Variants in ANO1 observed in about 807,000 individuals in gnomAD.
ANO1 encodes anoctamin 1, also known as anoctamin-1.
Under a neutral mutation model 124.0 loss-of-function variants are expected in ANO1, and 59 were observed. The ratio of observed to expected loss-of-function variants is 0.48; its 90% confidence interval spans 0.39 to 0.59. The LOEUF (loss-of-function observed/expected upper bound fraction) is 0.59, where lower values mean the gene tolerates loss of function less well. ANO1 is among the 20% of genes least tolerant of loss of function. The pLI is 0.00. For synonymous variants in ANO1, 529 were observed against 532.0 expected (o/e 0.99, Z 0.08); for missense variants, 1,059 against 1,328.0 (o/e 0.80, Z 3.15).
the ANO1 span, among the ~76,000 whole-genome samples, chr11:69,972,777 G>A: frequency 1.1e-4 from 16 of 152,246 alleles, no homozygotes; most frequent in African/African-American, 7.2e-5. Context: ...CTGCGTGGTC[G>A]AGATGTTCTT....
intron 7 of ANO1, among the ~76,000 whole-genome samples, chr11:70,114,602 C>T (rs1016559710): frequency 5.9e-5 from 9 of 152,168 alleles, no homozygotes; most frequent in Non-Finnish European, 1.3e-4. Context: ...ATTCATTCCT[C>T]AAGAATATCT....
chr11:70,152,205 G>A (rs994621161), intron 12 of ANO1, among the ~76,000 whole-genome samples: 4 of 151,868 alleles, frequency 2.6e-5, no homozygotes, highest in African/African-American at 4.8e-5. Flanking sequence ...GCGTGGTGGC[G>A]GGCGCCTGTA....
chr11:70,186,566 G>C (rs538860283), intron 25 of ANO1, among the ~76,000 whole-genome samples: 1 of 152,036 alleles, frequency 6.6e-6, no homozygotes, highest in South Asian at 2.1e-4. Context: ...TCTAGGGAGG[G>C]GTCTGGGCCA....
intron 1 of ANO1, among the ~76,000 whole-genome samples, chr11:70,032,265 T>C (rs113204897): frequency 1.6e-4 from 25 of 152,242 alleles, no homozygotes; most frequent in Non-Finnish European, 3.7e-4. Context: ...AGCAGTCTCA[T>C]TGTGGACGGA....
chr11:70,088,486 C>T (rs189070151), intron 2 of ANO1, among the ~76,000 whole-genome samples: 47 of 134,154 alleles, frequency 3.5e-4, no homozygotes, highest in African/African-American at 1.2e-3. Context: ...GCCAGCCTGG[C>T]GACAGAGTGA....
chr11:70,081,206 CAGAGGCCAGG>C (rs1165894632), intron 1 of ANO1, among the ~76,000 whole-genome samples: 1 of 152,176 alleles, frequency 6.6e-6, no homozygotes, highest in African/African-American at 2.4e-5. Flanking sequence ...ACTTGAAAGC[CAGAGGCCAGG>C]TTGAATGCAA....
chr11:70,130,174 C>G (rs1451204136), intron 10 of ANO1, among the ~76,000 whole-genome samples: 2 of 152,190 alleles, frequency 1.3e-5, no homozygotes, highest in East Asian at 3.8e-4. Flanking sequence ...GTACTTAGAG[C>G]CCAGAGCCTT....
the ANO1 span, among the ~76,000 whole-genome samples, chr11:69,970,823 C>T: frequency 6.6e-6 from 1 of 152,218 alleles, no homozygotes; most frequent in Non-Finnish European, 1.5e-5. Flanking sequence ...TGTGTTCTCT[C>T]AGGCCGCCCT....
intron 10 of ANO1, 49 bp downstream of exon 10, chr11:70,126,244 C>T: frequency 1.3e-6 from 2 of 1,577,184 alleles, no homozygotes; most frequent in South Asian, 1.2e-5. Flanking sequence ...GAGGAGCCCT[C>T]TCCTGCCATC....
At chr11:70,116,120 TC>T (rs1018179190) in intron 7 of ANO1, among the ~76,000 whole-genome samples, 28 of 152,254 alleles carry the variant, frequency 1.8e-4, no homozygotes, top group Admixed American at 7.8e-4. Context: ...ATACGACTCT[TC>T]CTGCCTCCAA....
chr11:69,992,301 A>G (rs1591020388), intron 1 of ANO1, among the ~76,000 whole-genome samples: 1 of 152,258 alleles, frequency 6.6e-6, no homozygotes, highest in Admixed American at 6.5e-5. Flanking sequence ...GAATGGATGG[A>G]TGGATGGATG....
At chr11:70,103,893 C>T (rs1328576679) in intron 3 of ANO1, 106 bp from the exon 4 acceptor site, 3 of 1,283,776 alleles carry the variant, frequency 2.3e-6, no homozygotes, top group Middle Eastern at 2.3e-4. Context: ...TCTCAGGACG[C>T]CCCGTTGCAT....
At chr11:70,093,550 C>T (rs554727285) in intron 2 of ANO1, among the ~76,000 whole-genome samples, 2 of 152,320 alleles carry the variant, frequency 1.3e-5, no homozygotes, top group South Asian at 4.1e-4. Flanking sequence ...GCGGCTGAGG[C>T]CCACACTGCC....
intron 1 of ANO1, among the ~76,000 whole-genome samples, chr11:70,040,786 G>A (rs1398035232): frequency 6.6e-6 from 1 of 152,260 alleles, no homozygotes; most frequent in African/African-American, 2.4e-5. Flanking sequence ...AGCAGATGGA[G>A]CTGCCTTGGA....
chr11:70,183,843 C>T (rs1408135221), intron 24 of ANO1, among the ~76,000 whole-genome samples: 2 of 152,218 alleles, frequency 1.3e-5, no homozygotes, highest in Non-Finnish European at 2.9e-5. Flanking sequence ...CCGCCCCCCA[C>T]CCCGGAATTC....
chr11:70,123,585 G>A (rs1312443077), intron 8 of ANO1, among the ~76,000 whole-genome samples: 1 of 152,128 alleles, frequency 6.6e-6, no homozygotes, highest in Non-Finnish European at 1.5e-5. Context: ...GAGGAGGAGG[G>A]CAGCTGCCCC....
intron 21 of ANO1, chr11:70,170,111 G>A (rs369606339): frequency 5.5e-5 from 25 of 451,858 alleles, no homozygotes; most frequent in Non-Finnish European, 8.0e-5. Flanking sequence ...TCCCCACCCG[G>A]ATCCAGGAGT....
intron 6 of ANO1, among the ~76,000 whole-genome samples, chr11:70,110,532 G>T (rs1039017703): frequency 1.3e-5 from 2 of 152,066 alleles, no homozygotes; most frequent in Non-Finnish European, 2.9e-5. Context: ...TCACACATGT[G>T]GCTTAAGCCC....
intron 17 of ANO1, 103 bp from the exon 18 acceptor site, chr11:70,161,519 A>C: frequency 1.4e-6 from 2 of 1,422,632 alleles, no homozygotes; most frequent in South Asian, 2.4e-5. Flanking sequence ...TGCGCCTATG[A>C]GAGCCGACTG....
Sources: allele counts gnomAD v4.1 joint callset (sites outside exome capture counted in the v4.1 genomes callset), GRCh38; gene constraint gnomAD v4.1.1; transcripts MANE v1.5; gene names NCBI Gene and HGNC (gene_info 2026-07-23, HGNC 2026-07-21).